ELAPOR1: variants seen among roughly 807,000 people sequenced by gnomAD.
ELAPOR1 encodes endosome-lysosome associated apoptosis and autophagy regulator 1.
In ELAPOR1, 77 loss-of-function variants were observed where a neutral mutation model predicts 119.7. That is an observed-to-expected ratio of 0.64 (90% CI 0.54 to 0.78). The LOEUF (loss-of-function observed/expected upper bound fraction) is 0.78, where lower values mean the gene tolerates loss of function less well. Among genes scored for constraint, ELAPOR1 ranks in the 30% least tolerant of loss-of-function variants. ELAPOR1 has a pLI of 0.00. For missense variants in ELAPOR1, 1,115 were observed against 1,270.4 expected, an observed-to-expected ratio of 0.88 and a Z score of 1.86; for synonymous variants, 481 against 487.2, an observed-to-expected ratio of 0.99 and a Z score of 0.17.
At chr1:109,163,255 TA>T (rs1186903850) in intron 2 of ELAPOR1, among the ~76,000 whole-genome samples, 3 of 151,976 alleles carry the variant, frequency 2.0e-5, no homozygotes, top group East Asian at 3.9e-4. Flanking sequence ...AAAAGATTTG[TA>T]GTGGGAGGTC....
chr1:109,128,733 A>G (rs2100975697), intron 1 of ELAPOR1, among the ~76,000 whole-genome samples: 1 of 152,344 alleles, frequency 6.6e-6, no homozygotes, highest in East Asian at 1.9e-4. Context: ...ATTTTGAGCC[A>G]AAATTTGTTA....
chr1:109,200,338 G>A (rs1654093526), intron 20 of ELAPOR1, 101 bp downstream of exon 20: 3 of 1,363,694 alleles, frequency 2.2e-6, no homozygotes, highest in African/African-American at 1.4e-5. Flanking sequence ...CTCTGGAGTT[G>A]GCTACAGACT....
intron 1 of ELAPOR1, among the ~76,000 whole-genome samples, chr1:109,116,530 T>C (rs1249567462): frequency 2.6e-5 from 4 of 152,178 alleles, no homozygotes; most frequent in Admixed American, 1.3e-4. Context: ...ACAGTGGCCA[T>C]TGAACACCCT....
At chr1:109,200,594 GC>G in intron 20 of ELAPOR1, 140 bp from the exon 21 acceptor site, 1 of 751,700 alleles carries the variant, frequency 1.3e-6, no homozygotes, top group East Asian at 2.7e-5. Flanking sequence ...TATTACCCCA[GC>G]CCTGACACCA....
intron 3 of ELAPOR1, among the ~76,000 whole-genome samples, chr1:109,169,379 A>T (rs1016826759): frequency 2.0e-5 from 3 of 152,090 alleles, no homozygotes; most frequent in African/African-American, 7.2e-5. Context: ...AGCTGGGATT[A>T]CAGCCACGTG....
chr1:109,186,703 C>T, intron 8 of ELAPOR1: 1 of 985,510 alleles, frequency 1.0e-6, no homozygotes, highest in Middle Eastern at 5.2e-4. Context: ...TAATAAAAGG[C>T]AGACAATTAA....
At chr1:109,148,173 CTG>C (rs1650302541) in intron 1 of ELAPOR1, among the ~76,000 whole-genome samples, 1 of 151,114 alleles carries the variant, frequency 6.6e-6, no homozygotes, top group Non-Finnish European at 1.5e-5. Flanking sequence ...GAGTCTCATT[CTG>C]TCACACAGGC....
chr1:109,187,807 T>C (rs1653149981), intron 8 of ELAPOR1: 6 of 924,994 alleles, frequency 6.5e-6, no homozygotes, highest in Non-Finnish European at 5.3e-6. Context: ...CCCTTGTGCC[T>C]TTCTGTGTTC....
intron 1 of ELAPOR1, among the ~76,000 whole-genome samples, chr1:109,123,730 A>T (rs17641263): frequency 0.14 from 21,398 of 152,250 alleles, 1,678 homozygotes; most frequent in Middle Eastern, 0.26. Context: ...CATTGTAAAC[A>T]TTTCATTATA....
In ELAPOR1 at chr1:109,144,061, A is replaced by ATTTTTTTTTTTTTT. The variant is rs71069655; in HGVS notation, c.154-17831_154-17818dup. Among the ~76,000 whole-genome samples the ATTTTTTTTTTTTTT allele has an allele frequency of 2.5e-3, 222 of 88,926 alleles. 11 individuals carry two copies. Among genetic ancestry groups the ATTTTTTTTTTTTTT allele is most frequent in the Middle Eastern group, 8.2e-3 (1 of 122 alleles). The allele number at this position is 88,926 out of a possible 152,430, so 58.3% of individuals were successfully genotyped here. The stretch of plus-strand genomic sequence containing the variant: ...TATATATATATATATATATTTATAT[A>ATTTTTTTTTTTTTT]TTTTTTTTTTTTTTTGAGATGGAGT... On this transcript the variant is annotated intron_variant, in intron 1 of 21. Coordinates refer to ENST00000369939, the MANE Select transcript of ELAPOR1 (RefSeq NM_020775.5).
chr1:109,195,468 T>C (rs55794434), intron 15 of ELAPOR1, among the ~76,000 whole-genome samples: 102,728 of 149,606 alleles, frequency 0.69, 37,401 homozygotes, highest in East Asian at 0.97. Context: ...CACTCCAGCC[T>C]GGGCGACAGA....
intron 3 of ELAPOR1, among the ~76,000 whole-genome samples, chr1:109,166,942 TA>T (rs1386298193): frequency 6.6e-6 from 1 of 152,226 alleles, no homozygotes; most frequent in Non-Finnish European, 1.5e-5. Context: ...TTCCTATACT[TA>T]AATCTTGTCT....
At chr1:109,149,972 C>T (rs1364289541) in intron 1 of ELAPOR1, among the ~76,000 whole-genome samples, 1 of 152,208 alleles carries the variant, frequency 6.6e-6, no homozygotes, top group East Asian at 1.9e-4. Context: ...CCGAGCCTGG[C>T]ACATGGATGC....
intron 1 of ELAPOR1, among the ~76,000 whole-genome samples, chr1:109,116,580 A>C (rs1471528080): frequency 1.3e-5 from 2 of 152,084 alleles, no homozygotes; most frequent in Non-Finnish European, 2.9e-5. Flanking sequence ...ACCCATTATT[A>C]TAGTATTCAT....
chr1:109,198,951 TCTC>T (rs1374313255), intron 18 of ELAPOR1, among the ~76,000 whole-genome samples: 1 of 152,210 alleles, frequency 6.6e-6, no homozygotes, highest in Non-Finnish European at 1.5e-5. Context: ...GGTTGAATCA[TCTC>T]CTCCACTAAC....
intron 3 of ELAPOR1, among the ~76,000 whole-genome samples, chr1:109,164,962 G>A (rs1651494541): frequency 6.6e-6 from 1 of 152,170 alleles, no homozygotes; most frequent in South Asian, 2.1e-4. Flanking sequence ...TGGACAAGGG[G>A]GGCAAGGGTT....
intron 8 of ELAPOR1, chr1:109,187,380 G>A (rs868206823): frequency 3.0e-5 from 30 of 985,600 alleles, no homozygotes; most frequent in Middle Eastern, 5.2e-4. Context: ...CTCCCCATCA[G>A]TTAAGGCAGT....
rs1268464745 is a variant in ELAPOR1 at position 109,185,132 on chromosome 1, A to T, written c.1040A>T (p.Glu347Val). 6.2e-7 allele frequency: 1 copy of T among 1,612,894 alleles called. No homozygotes were observed. The change falls in exon 8 of 22, where the codon GAG becomes GTG. Residue 347 changes from glutamate to valine, a missense_variant and splice_region_variant. Glu to Val is a moderately radical substitution (Grantham distance 121). Coordinates refer to ENST00000369939, the MANE Select transcript of ELAPOR1 (RefSeq NM_020775.5). ...CACACGGCCTGCGATGCCAACGGAG[A>T]GGTGGGTAGTACAGTCTTGGAGCCC... ...YTHTACDANG[E>V]TQLMYKWAKP...
chr1:109,192,129 T>C (rs1170424550), intron 13 of ELAPOR1, among the ~76,000 whole-genome samples: 1 of 152,208 alleles, frequency 6.6e-6, no homozygotes, highest in South Asian at 2.1e-4. Context: ...CTTGTTGTTG[T>C]TTTTAATAAT....
Sources: gnomAD v4.1 joint callset for allele counts (sites outside exome capture counted in the v4.1 genomes callset) on GRCh38, gnomAD v4.1.1 for gene constraint, MANE v1.5 for transcripts, NCBI Gene and HGNC (gene_info 2026-07-23, HGNC 2026-07-21) for gene names.